CHCHD6: variants seen among roughly 807,000 people sequenced by gnomAD.
CHCHD6 encodes the protein MICOS complex subunit MIC25.
Under a neutral mutation model 32.3 loss-of-function variants are expected in CHCHD6, and 28 were observed. That is an observed-to-expected ratio of 0.87 (90% CI 0.64 to 1.19). The LOEUF is 1.19. Ranked by LOEUF, CHCHD6 falls within the 50% of genes most tolerant of loss-of-function variation. The pLI is 0.00. For synonymous variants in CHCHD6, 122 were observed against 117.5 expected, an observed-to-expected ratio of 1.04 and a Z score of -0.25; for missense variants, 333 against 307.0, an observed-to-expected ratio of 1.08 and a Z score of -0.63.
chr3:126,837,146 A>G (rs949686764), intron 4 of CHCHD6, among the ~76,000 whole-genome samples: 2 of 152,200 alleles, frequency 1.3e-5, no homozygotes, highest in African/African-American at 2.4e-5. Context: ...TTGGAAAATT[A>G]TACCAGGTAA....
chr3:126,746,126 G>A (rs915460078), intron 4 of CHCHD6, among the ~76,000 whole-genome samples: 3 of 152,192 alleles, frequency 2.0e-5, no homozygotes, highest in Non-Finnish European at 4.4e-5. Flanking sequence ...CCTTTTGCAT[G>A]ACACGTATCA....
chr3:126,836,179 G>A (rs1415037168), intron 4 of CHCHD6, among the ~76,000 whole-genome samples: 2 of 152,248 alleles, frequency 1.3e-5, no homozygotes, highest in Admixed American at 1.3e-4. Flanking sequence ...GCCCTGCGCC[G>A]TTAGGCCCCA....
At chr3:126,834,602 A>G (rs1239478285) in intron 4 of CHCHD6, among the ~76,000 whole-genome samples, 1 of 152,170 alleles carries the variant, frequency 6.6e-6, no homozygotes, top group Non-Finnish European at 1.5e-5. Flanking sequence ...GTCTCCGTCA[A>G]GCCAATCTCT....
At chr3:126,772,312 A>G in intron 4 of CHCHD6, among the ~76,000 whole-genome samples, 1 of 152,194 alleles carries the variant, frequency 6.6e-6, no homozygotes. Context: ...CATGTTAGCC[A>G]GGATGGTCTT....
At chr3:126,877,644 C>T (rs2077556581) in intron 5 of CHCHD6, among the ~76,000 whole-genome samples, 1 of 151,958 alleles carries the variant, frequency 6.6e-6, no homozygotes, top group Non-Finnish European at 1.5e-5. Flanking sequence ...GATACCACAA[C>T]CACACAGAAG....
chr3:126,902,371 G>A (rs2077940701), intron 5 of CHCHD6, among the ~76,000 whole-genome samples: 1 of 152,186 alleles, frequency 6.6e-6, no homozygotes, highest in Admixed American at 6.5e-5. Flanking sequence ...AGGATAAAAG[G>A]ACTATTAGGA....
intron 4 of CHCHD6, among the ~76,000 whole-genome samples, chr3:126,846,448 C>T (rs1358681704): frequency 6.6e-6 from 1 of 151,996 alleles, no homozygotes. Flanking sequence ...TTTAAAAGAC[C>T]AAGACTATGT....
chr3:126,736,263 C>G (rs765604065), intron 4 of CHCHD6, among the ~76,000 whole-genome samples: 3 of 152,216 alleles, frequency 2.0e-5, no homozygotes, highest in Non-Finnish European at 4.4e-5. Flanking sequence ...CAGCCTGCTG[C>G]GTGGAGTGCT....
intron 7 of CHCHD6, among the ~76,000 whole-genome samples, chr3:126,959,109 A>C: frequency 6.6e-6 from 1 of 152,206 alleles, no homozygotes; most frequent in East Asian, 1.9e-4. Flanking sequence ...GTATTTCTTT[A>C]ACAAACACAC....
intron 4 of CHCHD6, among the ~76,000 whole-genome samples, chr3:126,766,097 G>T (rs1937360884): frequency 6.6e-6 from 1 of 151,814 alleles, no homozygotes; most frequent in African/African-American, 2.4e-5. Context: ...AACTGGAAAG[G>T]GGTGTTTTGG....
chr3:126,904,063 GTTTC>G (rs2107584553), intron 5 of CHCHD6, among the ~76,000 whole-genome samples: 1 of 152,232 alleles, frequency 6.6e-6, no homozygotes, highest in African/African-American at 2.4e-5. Flanking sequence ...TTGATCAGGC[GTTTC>G]TTCCATGAAG....
chr3:126,710,330 T>C (rs1934691302), intron 1 of CHCHD6, among the ~76,000 whole-genome samples: 1 of 152,240 alleles, frequency 6.6e-6, no homozygotes, highest in African/African-American at 2.4e-5. Flanking sequence ...TACCATGCTG[T>C]CATGCTGATT....
chr3:126,854,769 A>G (rs957426321), intron 5 of CHCHD6: 1 of 152,488 alleles, frequency 6.6e-6, no homozygotes, highest in Non-Finnish European at 1.5e-5. Flanking sequence ...CTGCTGCATC[A>G]TCCTTGACCA....
chr3:126,753,904 G>A (rs1350806090), intron 4 of CHCHD6, among the ~76,000 whole-genome samples: 1 of 152,210 alleles, frequency 6.6e-6, no homozygotes, highest in African/African-American at 2.4e-5. Flanking sequence ...TGCTTTTCCT[G>A]AGAGGGGTGG....
chr3:126,904,018 C>T (rs529444374), intron 5 of CHCHD6, among the ~76,000 whole-genome samples: 4 of 152,358 alleles, frequency 2.6e-5, no homozygotes, highest in African/African-American at 9.6e-5. Flanking sequence ...TTACACATCA[C>T]TTTAAATGGG....
At chr3:126,767,329 C>G in intron 4 of CHCHD6, 3 of 964,650 alleles carry the variant, frequency 3.1e-6, no homozygotes, top group Non-Finnish European at 5.1e-6. Flanking sequence ...CCATTTCCAT[C>G]AAGGCCAAGG....
At chr3:126,941,673 A>T (rs572418242) in intron 6 of CHCHD6, among the ~76,000 whole-genome samples, 1 of 152,358 alleles carries the variant, frequency 6.6e-6, no homozygotes, top group East Asian at 1.9e-4. Context: ...AACAAACACC[A>T]CAAAGGATTC....
chr3:126,887,979 G>T (rs1376665461), intron 5 of CHCHD6, among the ~76,000 whole-genome samples: 1 of 152,146 alleles, frequency 6.6e-6, no homozygotes, highest in African/African-American at 2.4e-5. Flanking sequence ...CCACTTCCTA[G>T]CCTCTCTGCA....
chr3:126,851,555 T>A (rs1426016934), intron 4 of CHCHD6, among the ~76,000 whole-genome samples: 1 of 152,194 alleles, frequency 6.6e-6, no homozygotes, highest in Non-Finnish European at 1.5e-5. Flanking sequence ...TATTCCTCCA[T>A]ACAGTCACAA....
Sources: allele counts gnomAD v4.1 joint callset (sites outside exome capture counted in the v4.1 genomes callset), GRCh38; gene constraint gnomAD v4.1.1; transcripts MANE v1.5; gene names NCBI Gene and HGNC (gene_info 2026-07-23, HGNC 2026-07-21).